Variants in JAK1 observed in about 807,000 individuals in gnomAD.
The protein encoded by JAK1 is Janus kinase 1, also known as tyrosine-protein kinase JAK1.
In JAK1, 16 loss-of-function variants were observed where a neutral mutation model predicts 136.6. The observed-to-expected ratio is 0.12, with a 90% CI of 0.08 to 0.18. The LOEUF is 0.18. JAK1 is among the 10% of genes least tolerant of loss of function. JAK1 has a pLI of 1.00. For missense variants in JAK1, 859 were observed against 1,450.1 expected (o/e 0.59, Z 6.62); for synonymous variants, 492 against 519.5 (o/e 0.95, Z 0.72).
rs186670341 is a variant in JAK1, at chr1:64,929,842, A to G, written c.-78+36491T>C. 9.9e-5 allele frequency among the ~76,000 whole-genome samples: 15 copies of G among 152,272 alleles called. No individual in the cohort carries two copies. The East Asian group carries it at 2.9e-3, about 29-fold the overall frequency. Reference sequence around the variant, plus strand: ...CTATTACCAAAACAGACATATAGACAAGTGGAACAGAACAAAGGCCTCAGA... The same window carrying G: ...CTATTACCAAAACAGACATATAGACGAGTGGAACAGAACAAAGGCCTCAGA... On this transcript the variant is annotated intron_variant, in intron 1 of 24. Transcript: ENST00000342505.
chr1:65,065,985 G>A (rs985058528), intron 1 of JAK1, among the ~76,000 whole-genome samples: 3 of 151,972 alleles, frequency 2.0e-5, no homozygotes, highest in African/African-American at 7.3e-5. Context: ...ACTTGCCGGG[G>A]GAAAGGGGGG....
At chr1:64,922,102 A>G (rs541163426) in intron 1 of JAK1, among the ~76,000 whole-genome samples, 15 of 151,802 alleles carry the variant, frequency 9.9e-5, no homozygotes, top group Admixed American at 9.9e-4. Context: ...AAAATTCCCT[A>G]AGCAGCCCAC....
intron 2 of JAK1, among the ~76,000 whole-genome samples, chr1:65,006,885 T>A (rs1002306647): frequency 7.9e-5 from 12 of 152,214 alleles, no homozygotes; most frequent in Non-Finnish European, 5.9e-5. Flanking sequence ...TCATCTGCCT[T>A]AAAAAGTTCC....
intron 2 of JAK1, among the ~76,000 whole-genome samples, chr1:65,041,217 G>A (rs749744692): frequency 2.0e-5 from 3 of 152,162 alleles, no homozygotes; most frequent in Admixed American, 1.3e-4. Context: ...CGAGGAGACC[G>A]CGCCAAGTGG....
chr1:64,959,621 A>T (rs1357859344), intron 1 of JAK1, among the ~76,000 whole-genome samples: 1 of 152,238 alleles, frequency 6.6e-6, no homozygotes, highest in East Asian at 1.9e-4. Context: ...AGTCAAATAC[A>T]TTCCTACCAA....
intron 1 of JAK1, among the ~76,000 whole-genome samples, chr1:65,066,266 G>T (rs1169508263): frequency 1.3e-5 from 2 of 152,120 alleles, no homozygotes; most frequent in Non-Finnish European, 2.9e-5. Flanking sequence ...AGGAGCCGGC[G>T]TCTCCGCCAA....
At chr1:64,942,591 T>A (rs1235103082) in intron 1 of JAK1, among the ~76,000 whole-genome samples, 1 of 152,254 alleles carries the variant, frequency 6.6e-6, no homozygotes, top group African/African-American at 2.4e-5. Flanking sequence ...AGTAGTGGTC[T>A]GGCATCCCTA....
intron 2 of JAK1, among the ~76,000 whole-genome samples, chr1:65,043,118 G>A (rs1047192098): frequency 6.6e-6 from 1 of 152,226 alleles, no homozygotes; most frequent in East Asian, 1.9e-4. Context: ...AACAGTGCAT[G>A]AGACCTGCTG....
intron 9 of JAK1, chr1:64,859,898 C>A (rs1021356026): frequency 5.0e-6 from 2 of 398,742 alleles, no homozygotes; most frequent in African/African-American, 2.0e-5. Flanking sequence ...AGTAAAGAAG[C>A]AGCATTGAGG....
chr1:64,990,446 G>A (rs1181297486), intron 2 of JAK1: 1 of 151,700 alleles, frequency 6.6e-6, no homozygotes, highest in African/African-American at 2.4e-5. Flanking sequence ...TCTCAACAAT[G>A]AAAACAAAAA....
intron 2 of JAK1, among the ~76,000 whole-genome samples, chr1:65,025,288 C>T (rs1646968903): frequency 6.6e-6 from 1 of 152,068 alleles, no homozygotes; most frequent in Non-Finnish European, 1.5e-5. Flanking sequence ...TAGAGCCCAC[C>T]CGAAACATGG....
At chr1:64,877,713 G>C (rs1022065612) in intron 4 of JAK1, among the ~76,000 whole-genome samples, 7 of 152,122 alleles carry the variant, frequency 4.6e-5, no homozygotes, top group Non-Finnish European at 1.0e-4. Context: ...CAGAAACCTA[G>C]AGGGAAAGAA....
intron 13 of JAK1, 122 bp downstream of exon 13, chr1:64,847,396 AAAAAAATTCTGAGT>A (rs1175652593): frequency 3.8e-5 from 39 of 1,014,412 alleles, no homozygotes; most frequent in Non-Finnish European, 4.3e-5. Flanking sequence ...ATATGTGGAG[AAAAAAATTCTGAGT>A]AAAAGGCAAG....
intron 1 of JAK1, among the ~76,000 whole-genome samples, chr1:64,928,790 A>AAAAAAAAAAAAAAC (rs1645633421): frequency 1.6e-5 from 2 of 125,786 alleles, no homozygotes; most frequent in Non-Finnish European, 1.5e-5. Context: ...AAAAAAAAAA[A>AAAAAAAAAAAAAAC]AAAAAACAAA....
At chr1:64,860,968 A>G (rs146319160) in intron 8 of JAK1, among the ~76,000 whole-genome samples, 3,499 of 28,412 alleles carry the variant, frequency 0.12, 5 homozygotes, top group Middle Eastern at 0.15. Flanking sequence ...GTGTGTGTGT[A>G]TGTGTGTGTG....
rs2100974250 is a variant in JAK1, at chr1:64,841,236, G to A, written c.2649+9C>T. The A allele has an allele frequency of 1.2e-6, 2 of 1,604,928 alleles. No individual in the cohort carries two copies. The highest frequency in any genetic ancestry group is 2.2e-5 in the East Asian group (1 of 44,828). On this transcript the variant is annotated intron_variant, in intron 19 of 24. Transcript: ENST00000342505. Reference sequence around the variant, plus strand: ...GCCATCAGCAGCAAGCAGCACGGGTGTAACTTACCTCTCCCAAGTCACGGA... The same window carrying A: ...GCCATCAGCAGCAAGCAGCACGGGTATAACTTACCTCTCCCAAGTCACGGA...
chr1:64,989,002 G>GTGTATGTATATA (rs545656432), intron 2 of JAK1, among the ~76,000 whole-genome samples: 1 of 129,238 alleles, frequency 7.7e-6, no homozygotes, highest in African/African-American at 2.8e-5. Flanking sequence ...GTGTGTGTGT[G>GTGTATGTATATA]TATATATATA....
chr1:64,839,365 G>A (rs1249049431), intron 20 of JAK1: 13 of 418,450 alleles, frequency 3.1e-5, no homozygotes, highest in Admixed American at 1.7e-4. Flanking sequence ...TGCAAGTGAC[G>A]TGGAGAGACA....
At chr1:65,060,859 T>C (rs1647761511) in intron 1 of JAK1, among the ~76,000 whole-genome samples, 1 of 152,228 alleles carries the variant, frequency 6.6e-6, no homozygotes, top group African/African-American at 2.4e-5. Context: ...TCAACATGTT[T>C]CGTCTAAGAA....
Sources: gnomAD v4.1 joint callset for allele counts (sites outside exome capture counted in the v4.1 genomes callset) on GRCh38, gnomAD v4.1.1 for gene constraint, MANE v1.5 for transcripts, NCBI Gene and HGNC (gene_info 2026-07-23, HGNC 2026-07-21) for gene names.